The following FAM184B variants were observed in gnomAD, a reference collection of about 807,000 sequenced individuals.
FAM184B encodes family with sequence similarity 184 member B, also known as protein FAM184B.
In FAM184B, 111 loss-of-function variants were observed where a neutral mutation model predicts 135.9. The ratio of observed to expected loss-of-function variants is 0.82; its 90% CI spans 0.70 to 0.96. The LOEUF (loss-of-function observed/expected upper bound fraction) is 0.96, where lower values mean the gene tolerates loss of function less well. FAM184B is among the 40% of genes least tolerant of loss of function. FAM184B has a pLI of 0.00. For synonymous variants in FAM184B, 552 were observed against 524.8 expected, an observed-to-expected ratio of 1.05 and a Z score of -0.71; for missense variants, 1,375 against 1,323.9, an observed-to-expected ratio of 1.04 and a Z score of -0.60.
rs1359766207 is a variant in FAM184B, at chr4:17,639,359, C to T, written c.2557G>A (p.Glu853Lys). The change falls in exon 14 of 18, where the codon GAG becomes AAG. Residue 853 changes from glutamate (E) to lysine (K), a missense_variant. Transcript: ENST00000265018. ...TGTTCCTGGCGCAGTGTCTCCACCT[C>T]CCTGGCCCGCTGGGCTTGCTGAGTC... ...EETQQAQRAR[E>K]VETLRQEHRK... 1.9e-6 allele frequency: 3 copies of T among 1,551,740 alleles called. No individual in the cohort carries two copies. Among genetic ancestry groups the T allele is most frequent in the Admixed American group, 3.9e-5 (2 of 51,010 alleles).
rs1392560046 is a variant in FAM184B at position 17,635,110 on chromosome 4, C to A, written c.2788G>T (p.Glu930Ter). ...REDIIKQLTEERRFHYAAFPS... is the reference protein window; with the variant it reads ...REDIIKQLTE ...AATGCTGCGTAGTGAAATCTTCTCT[C>A]TTCCTAGAAAACCAATACAACTGAG... The change falls in exon 16 of 18, where the codon GAG (glutamate) becomes TAG (stop). Residue 930 changes from glutamate (E) to a stop codon, truncating the protein, a stop_gained. Transcript: ENST00000265018. LOFTEE classifies it high-confidence loss of function. 6.4e-7 allele frequency: 1 copy of A among 1,551,204 alleles called. No homozygotes were observed. Among genetic ancestry groups the A allele is most frequent in the Admixed American group, 2.0e-5 (1 of 50,978 alleles).
intron 5 of FAM184B, among the ~76,000 whole-genome samples, chr4:17,702,058 C>G (rs188468487): frequency 1.3e-5 from 2 of 152,274 alleles, no homozygotes; most frequent in Admixed American, 1.3e-4. Context: ...GTGGTGTTGG[C>G]TGTGTAAGCT....
Position 17,709,374 on chromosome 4 carries a change from C to T in FAM184B, c.412G>A (p.Ala138Thr), listed in dbSNP as rs1301622047. ...ETKERELRVE[A>T]EHAERVLTLS... The stretch of plus-strand genomic sequence containing the variant: ...GTGAGGACTCGCTCGGCGTGCTCTG[C>T]CTCCACCCTCAGCTCTCTCTCCTTC... Residue 138 changes from alanine (A) to threonine (T), a missense_variant, in exon 2 of 18, where the codon GCA (alanine) becomes ACA (threonine). Ala to Thr is a moderately conservative substitution (Grantham distance 58, BLOSUM62 0). Transcript: ENST00000265018. 1.3e-6 allele frequency: 2 copies of T among 1,538,062 alleles called. No individual in the cohort carries two copies. Among genetic ancestry groups the T allele is most frequent in the Non-Finnish European group, 1.8e-6 (2 of 1,138,450 alleles).
intron 1 of FAM184B, among the ~76,000 whole-genome samples, chr4:17,776,815 C>G (rs1391126095): frequency 6.6e-6 from 1 of 151,930 alleles, no homozygotes; most frequent in Non-Finnish European, 1.5e-5. Context: ...GAGGAAACTT[C>G]AAGAGGAAAG....
intron 1 of FAM184B, among the ~76,000 whole-genome samples, chr4:17,763,571 C>T (rs1021369854): frequency 3.2e-5 from 2 of 61,958 alleles, no homozygotes; most frequent in Non-Finnish European, 8.7e-5. Flanking sequence ...ACTTTGGCAG[C>T]GTGAAGAGGC....
rs771401398 is a variant in FAM184B, at chr4:17,632,561, C to T, written c.3154G>A (p.Glu1052Lys). Reference sequence around the variant, plus strand: ...AAAGAAAAGTACTTGGTGAACCATTCCTGGTGCGGAGAGCCCTGTTTCTGC... The same window carrying T: ...AAAGAAAAGTACTTGGTGAACCATTTCTGGTGCGGAGAGCCCTGTTTCTGC... ...VQQKQGSPHQEWFTKYFSF is the reference protein window; with the variant it reads ...VQQKQGSPHQKWFTKYFSF Residue 1052 changes from glutamate to lysine, a missense_variant, in exon 18 of 18, where the codon GAA becomes AAA. Glu to Lys is a moderately conservative substitution (Grantham distance 56, BLOSUM62 1). Transcript: ENST00000265018. 6.4e-7 allele frequency: 1 copy of T among 1,551,408 alleles called. No individual in the cohort carries two copies. Among genetic ancestry groups the T allele is most frequent in the South Asian group, 1.2e-5 (1 of 84,048 alleles).
chr4:17,742,237 A>C (rs1718064196), intron 1 of FAM184B, among the ~76,000 whole-genome samples: 1 of 150,556 alleles, frequency 6.6e-6, no homozygotes, highest in Non-Finnish European at 1.5e-5. Flanking sequence ...GGAGGCCAAG[A>C]CAAGAGGATC....
intron 17 of FAM184B, 75 bp from the exon 18 acceptor site, chr4:17,632,700 C>T: frequency 1.0e-6 from 1 of 984,150 alleles, no homozygotes; most frequent in Non-Finnish European, 1.5e-6. Flanking sequence ...ACCATCTTTT[C>T]AGGGAAAGAT....
intron 1 of FAM184B, among the ~76,000 whole-genome samples, chr4:17,774,271 G>A (rs1718877385): frequency 6.6e-6 from 1 of 152,190 alleles, no homozygotes; most frequent in Non-Finnish European, 1.5e-5. Context: ...GGGAGGCTGA[G>A]GTGGGAAGAT....
At chr4:17,754,704 T>C (rs1269100966) in intron 1 of FAM184B, among the ~76,000 whole-genome samples, 4 of 151,998 alleles carry the variant, frequency 2.6e-5, no homozygotes, top group African/African-American at 9.7e-5. Context: ...CCTAGATACA[T>C]GTGAAACCAT....
intron 5 of FAM184B, among the ~76,000 whole-genome samples, chr4:17,703,270 G>A (rs1422369713): frequency 6.6e-6 from 1 of 152,072 alleles, no homozygotes; most frequent in Non-Finnish European, 1.5e-5. Context: ...GCTAAGGTGG[G>A]AGGATCCCTT....
At chr4:17,637,786 A>G (rs746499476) in intron 14 of FAM184B, among the ~76,000 whole-genome samples, 7 of 152,212 alleles carry the variant, frequency 4.6e-5, no homozygotes, top group Non-Finnish European at 1.0e-4. Context: ...GCTTGCTGCC[A>G]TCACATCCTA....
chr4:17,738,633 A>G lies in FAM184B; in HGVS notation c.142-28989T>C, dbSNP rs1399038242. Among the ~76,000 whole-genome samples the G allele has an allele frequency of 2.0e-5, 3 of 149,296 alleles. No homozygotes were observed. The East Asian group carries it at 5.8e-4, about 29-fold the overall frequency. On this transcript the variant is annotated intron_variant, in intron 1 of 17. Transcript: ENST00000265018. ...ATGAACCCAAATCTGTCTGACTGTA[A>G]AAAAAAATCTTAGTTCTTTCTACTG... is the stretch of plus-strand genomic sequence containing the variant.
intron 1 of FAM184B, among the ~76,000 whole-genome samples, chr4:17,752,253 A>T (rs1414538966): frequency 6.6e-6 from 1 of 152,144 alleles, no homozygotes; most frequent in Non-Finnish European, 1.5e-5. Flanking sequence ...TTGGAATTGG[A>T]GTTTCAAGAG....
intron 13 of FAM184B, among the ~76,000 whole-genome samples, chr4:17,641,095 G>C (rs138973397): frequency 1.1e-3 from 160 of 152,194 alleles, no homozygotes; most frequent in African/African-American, 3.8e-3. Context: ...CACCACGCTT[G>C]GCCAATTTTT....
At chr4:17,649,240 G>C (rs1318045582) in intron 11 of FAM184B, among the ~76,000 whole-genome samples, 1 of 152,082 alleles carries the variant, frequency 6.6e-6, no homozygotes, top group Admixed American at 6.6e-5. Context: ...TTCCCTCAAA[G>C]GTTAACTATA....
At chr4:17,754,750 T>C (rs1228776796) in intron 1 of FAM184B, among the ~76,000 whole-genome samples, 1 of 152,112 alleles carries the variant, frequency 6.6e-6, no homozygotes, top group Non-Finnish European at 1.5e-5. Context: ...AGTGTTATTA[T>C]TGTCATTCTG....
At chr4:17,688,838 T>C (rs957382102) in intron 6 of FAM184B, among the ~76,000 whole-genome samples, 6 of 151,940 alleles carry the variant, frequency 3.9e-5, no homozygotes, top group Admixed American at 1.3e-4. Flanking sequence ...ACTACAGGTA[T>C]GCACCACCAC....
At chr4:17,642,605 A>G (rs1024747715) in intron 12 of FAM184B, among the ~76,000 whole-genome samples, 9 of 152,078 alleles carry the variant, frequency 5.9e-5, no homozygotes, top group East Asian at 1.9e-4. Context: ...AGTCTTCCCT[A>G]CCTCTCAGGG....
Sources: allele counts gnomAD v4.1 joint callset (sites outside exome capture counted in the v4.1 genomes callset), GRCh38; gene constraint gnomAD v4.1.1; transcripts MANE v1.5; gene names NCBI Gene and HGNC (gene_info 2026-07-23, HGNC 2026-07-21).